FSTL4: variants seen among roughly 807,000 people sequenced by gnomAD.
The protein encoded by FSTL4 is follistatin like 4, also known as follistatin-related protein 4.
Under a neutral mutation model 78.2 loss-of-function variants are expected in FSTL4, and 28 were observed. The observed-to-expected ratio is 0.36, with a 90% CI of 0.27 to 0.49. The LOEUF (loss-of-function observed/expected upper bound fraction) is 0.49, where lower values mean the gene tolerates loss of function less well. Ranked by LOEUF, FSTL4 falls within the 20% of genes least tolerant of loss-of-function variation. The pLI is 0.98. For synonymous variants in FSTL4, 422 were observed against 440.5 expected (o/e 0.96, Z 0.53); for missense variants, 922 against 1,084.9 (o/e 0.85, Z 2.11).
Position 133,338,753 on chromosome 5 carries a change from C to A in FSTL4, c.410-22101G>T, listed in dbSNP as rs1186474830. 2.0e-5 allele frequency among the ~76,000 whole-genome samples: 3 copies of A among 152,110 alleles called. No individual in the cohort carries two copies. Among genetic ancestry groups the A allele is most frequent in the Admixed American group, 6.5e-5 (1 of 15,268 alleles). On this transcript the variant is annotated intron_variant, in intron 4 of 15. Transcript: ENST00000265342. The surrounding 1 kb of genome is among the most constrained non-coding windows in gnomAD (Gnocchi z 4.0). ...TTCACATCCCAGCCTCAGCCGACAA[C>A]CCCTCCACCCAAGCCCCCTGCTTCC...
the FSTL4 span, among the ~76,000 whole-genome samples, chr5:133,832,999 C>A: frequency 2.0e-5 from 3 of 152,014 alleles, no homozygotes; most frequent in African/African-American, 7.3e-5. Context: ...TTAAAAAAAA[C>A]CCTTATAGAA....
At chr5:133,209,572 G>A (rs146576370) in intron 14 of FSTL4, among the ~76,000 whole-genome samples, 10 of 152,246 alleles carry the variant, frequency 6.6e-5, no homozygotes, top group African/African-American at 2.4e-4. Flanking sequence ...GCAAGGCTGG[G>A]CAGGGCATAC....
chr5:133,624,908 T>C, the FSTL4 span, among the ~76,000 whole-genome samples: 5,964 of 151,852 alleles, frequency 0.039, 196 homozygotes, highest in African/African-American at 0.094. Context: ...TTTTACTATG[T>C]TGAGTATGTC....
At chr5:133,694,920 C>T in the FSTL4 span, among the ~76,000 whole-genome samples, 3 of 152,264 alleles carry the variant, frequency 2.0e-5, no homozygotes, top group African/African-American at 7.2e-5. Context: ...CTCTGCCTCC[C>T]GAAGTCCCCA....
intron 6 of FSTL4, among the ~76,000 whole-genome samples, chr5:133,251,419 G>T (rs1265610938): frequency 6.6e-6 from 1 of 152,158 alleles, no homozygotes; most frequent in Non-Finnish European, 1.5e-5. Flanking sequence ...TTGGCTCCTG[G>T]TATGGAAACA....
chr5:133,698,826 G>A, the FSTL4 span, among the ~76,000 whole-genome samples: 2 of 152,194 alleles, frequency 1.3e-5, no homozygotes, highest in African/African-American at 2.4e-5. Flanking sequence ...AAAATACAAC[G>A]AGACCTCGGG....
chr5:133,497,545 A>G (rs552693026), intron 3 of FSTL4, among the ~76,000 whole-genome samples: 1 of 151,992 alleles, frequency 6.6e-6, no homozygotes, highest in South Asian at 2.1e-4. Context: ...CCTTATCCTC[A>G]CTCATCAGGC....
chr5:133,601,269 C>A (rs1467442804), intron 2 of FSTL4, among the ~76,000 whole-genome samples: 1 of 152,164 alleles, frequency 6.6e-6, no homozygotes, highest in Non-Finnish European at 1.5e-5. Flanking sequence ...AAAAATGCAT[C>A]AAACCTCTAT....
chr5:133,592,791 TC>T (rs1174782009), intron 2 of FSTL4, among the ~76,000 whole-genome samples: 1 of 152,180 alleles, frequency 6.6e-6, no homozygotes, highest in African/African-American at 2.4e-5. Flanking sequence ...CCATTCCCTT[TC>T]ACCTTCTACC....
In FSTL4 at chr5:133,196,560, T is replaced by C. The variant is rs934132117; in HGVS notation, c.*2535A>G. 1 of 152,214 alleles carries C rather than the reference T, an allele frequency of 6.6e-6. No homozygotes were observed. Among genetic ancestry groups the C allele is most frequent in the Non-Finnish European group, 1.5e-5 (1 of 68,038 alleles). The allele number at this position is 152,214 out of a possible 1,614,324, so 9.4% of individuals were successfully genotyped here. On this transcript the variant is annotated 3_prime_UTR_variant, in exon 16 of 16. Coordinates refer to ENST00000265342, the MANE Select transcript of FSTL4 (RefSeq NM_015082.2). ...CAGTACTTCTTTAATAGCTAAGATA[T>C]CAGTTGTGAATTGACCTTGTGGGTT... is the stretch of plus-strand genomic sequence containing the variant.
chr5:133,211,433 G>T (rs1750709545), intron 13 of FSTL4, among the ~76,000 whole-genome samples: 1 of 151,912 alleles, frequency 6.6e-6, no homozygotes, highest in Non-Finnish European at 1.5e-5. Flanking sequence ...GTTCCTTCTT[G>T]GTTTCAATGA....
At chr5:133,258,030 G>C (rs1242658167) in intron 6 of FSTL4, among the ~76,000 whole-genome samples, 2 of 152,210 alleles carry the variant, frequency 1.3e-5, no homozygotes. Flanking sequence ...CAGTGGAGAA[G>C]AGCAAACAGT....
At chr5:133,207,745 G>GTGAT (rs139392954) in intron 14 of FSTL4, 2 of 151,882 alleles carry the variant, frequency 1.3e-5, no homozygotes, top group East Asian at 1.9e-4. Context: ...CTAGGCTCAA[G>GTGAT]TGATTGATTC....
At chr5:133,663,309 G>A in the FSTL4 span, among the ~76,000 whole-genome samples, 1 of 152,296 alleles carries the variant, frequency 6.6e-6, no homozygotes, top group East Asian at 1.9e-4. Context: ...TTTAGACAAG[G>A]TATTATAGTT....
chr5:133,782,767 C>G, the FSTL4 span, among the ~76,000 whole-genome samples: 1 of 152,204 alleles, frequency 6.6e-6, no homozygotes, highest in African/African-American at 2.4e-5. Flanking sequence ...AAACAGTACC[C>G]AAGCCACATC....
chr5:133,398,110 T>C (rs1200268397), intron 4 of FSTL4, among the ~76,000 whole-genome samples: 3 of 152,116 alleles, frequency 2.0e-5, no homozygotes, highest in African/African-American at 7.2e-5. Flanking sequence ...TACTCCCCCC[T>C]GGAGCCATGG....
chr5:133,311,013 C>A (rs1197751731), intron 6 of FSTL4, among the ~76,000 whole-genome samples: 3 of 152,180 alleles, frequency 2.0e-5, no homozygotes, highest in Non-Finnish European at 4.4e-5. Context: ...TAACAACCGG[C>A]TCCCTAGAGA....
chr5:133,521,769 C>T (rs1204346643), intron 3 of FSTL4, among the ~76,000 whole-genome samples: 1 of 152,094 alleles, frequency 6.6e-6, no homozygotes, highest in Non-Finnish European at 1.5e-5. Flanking sequence ...ATTTAGTTTC[C>T]TCTCATGGAG....
chr5:133,329,654 G>C (rs561424611), intron 4 of FSTL4, among the ~76,000 whole-genome samples: 48 of 152,260 alleles, frequency 3.2e-4, no homozygotes, highest in African/African-American at 7.9e-4. Flanking sequence ...TTCGCTGGAA[G>C]CTGACTAGAT....
Sources: allele counts gnomAD v4.1 joint callset (sites outside exome capture counted in the v4.1 genomes callset), GRCh38; gene constraint gnomAD v4.1.1; non-coding constraint Gnocchi (gnomAD v3.1); transcripts MANE v1.5; gene names NCBI Gene and HGNC (gene_info 2026-07-23, HGNC 2026-07-21).